Variants in LMTK3 observed in about 807,000 individuals in gnomAD.
LMTK3 encodes the protein serine/threonine-protein kinase LMTK3.
In LMTK3, 27 loss-of-function variants were observed where a neutral mutation model predicts 116.7. The observed-to-expected ratio is 0.23, with a 90% CI of 0.17 to 0.32. The LOEUF is 0.32. LMTK3 is among the 10% of genes least tolerant of loss of function. The probability of loss-of-function intolerance (pLI) is 1.00; values close to 1 mark genes in which losing one functional copy is unlikely to be tolerated. For missense variants in LMTK3, 1,764 were observed against 2,068.5 expected, an observed-to-expected ratio of 0.85 and a Z score of 2.86; for synonymous variants, 965 against 971.0, an observed-to-expected ratio of 0.99 and a Z score of 0.11.
intron 14 of LMTK3, among the ~76,000 whole-genome samples, 167 bp from the exon 15 acceptor site, chr19:48,485,956 A>G (rs1337280371): frequency 1.4e-5 from 2 of 147,934 alleles, no homozygotes; most frequent in African/African-American, 2.5e-5. Context: ...TGCTCCAGCC[A>G]CTGGGCCTCC....
intron 5 of LMTK3, 41 bp downstream of exon 5, chr19:48,508,810 C>T (rs765464424): frequency 4.1e-6 from 6 of 1,453,864 alleles, no homozygotes; most frequent in Admixed American, 3.3e-5. Context: ...TCCTGAATGT[C>T]ACCTCAACAA....
In LMTK3 at chr19:48,502,502, G is replaced by T; in HGVS notation, c.725C>A (p.Thr242Lys). ...SPELPPRDLR[T>K]LQRMGLEIAR... ...GATCTCCAGGCCCATCCTCTGCAGC[G>T]TCCGCAGGTCTCGAGGGGGTAGCTC... Residue 242 changes from threonine to lysine, a missense_variant, in exon 7 of 15, where the codon ACG becomes AAG. Thr to Lys is a moderately conservative substitution (Grantham distance 78). This residue lies in a region of LMTK3 where 271 missense variants were observed against 478.2 expected (regional missense o/e 0.57). Transcript: ENST00000600059. The T allele has an allele frequency of 6.2e-7, 1 of 1,609,614 alleles. No individual in the cohort carries two copies. Among genetic ancestry groups the T allele is most frequent in the Non-Finnish European group, 8.5e-7 (1 of 1,178,390 alleles).
rs1972289878 is a variant in LMTK3, at chr19:48,494,473, G to GC, written c.3677-365dup. Among the ~76,000 whole-genome samples, 2 of 152,274 alleles carry GC rather than the reference G, an allele frequency of 1.3e-5. No homozygotes were observed. The highest frequency in any genetic ancestry group is 4.1e-4 in the South Asian group (2 of 4,820). On this transcript the variant is annotated intron_variant, in intron 11 of 14. Coordinates refer to ENST00000600059, the MANE Select transcript of LMTK3 (RefSeq NM_001388485.1). This position sits in a 1 kb window ranked among gnomAD's most constrained non-coding sequence, Gnocchi z 4.0. ...CCACCGAATAGCTGGGACTACAGGC[G>GC]CACGTGCCACCATGCCCGGCTAATT...
chr19:48,509,420 C>T lies in LMTK3; in HGVS notation c.438+17G>A. On this transcript the variant is annotated intron_variant, in intron 4 of 14. Transcript: ENST00000600059. ...CGGGATCCATGGAGCCCTGCCTCCC[C>T]TCCCCAGCCCACTCACCTTCCCAAA... The T allele has an allele frequency of 6.4e-7, 1 of 1,551,260 alleles. No homozygotes were observed. Among genetic ancestry groups the T allele is most frequent in the Non-Finnish European group, 8.7e-7 (1 of 1,146,708 alleles).
In LMTK3 at chr19:48,498,762, G is replaced by T; in HGVS notation, c.2307C>A (p.Ser769=). 1 of 1,486,906 alleles carries T rather than the reference G, an allele frequency of 6.7e-7. No individual in the cohort carries two copies. Among genetic ancestry groups the T allele is most frequent in the Non-Finnish European group, 8.9e-7 (1 of 1,123,624 alleles). The allele number at this position is 1,486,906 out of a possible 1,614,324, so 92.1% of individuals were successfully genotyped here. ...PPRAPADPAA[S]PDPPSAVASP... ...TGGCCACGGCCGAAGGGGGGTCGGG[G>T]GACGCGGCCGGGTCCGCGGGGGCCC... is the stretch of plus-strand genomic sequence containing the variant. Residue 769 remains serine (S), a synonymous_variant, in exon 11 of 15, where the codon TCC becomes TCA. Coordinates refer to ENST00000600059, the MANE Select transcript of LMTK3 (RefSeq NM_001388485.1).
intron 5 of LMTK3, among the ~76,000 whole-genome samples, chr19:48,507,845 G>A (rs12461063): frequency 0.013 from 2,037 of 152,264 alleles, 33 homozygotes; most frequent in Middle Eastern, 0.13. Flanking sequence ...CAGGCAATAA[G>A]CAAGTAAGCA....
intron 5 of LMTK3, among the ~76,000 whole-genome samples, chr19:48,506,915 C>T (rs1458127569): frequency 6.6e-6 from 1 of 152,186 alleles, no homozygotes; most frequent in African/African-American, 2.4e-5. Context: ...CTGCCCACCT[C>T]AGTCTCCCAA....
intron 5 of LMTK3, among the ~76,000 whole-genome samples, chr19:48,506,413 G>A (rs1972571902): frequency 6.6e-6 from 1 of 152,198 alleles, no homozygotes; most frequent in Non-Finnish European, 1.5e-5. Flanking sequence ...GAGAAGGACT[G>A]GCTTGGAGGT....
At chr19:48,512,341 T>C (rs1179068859), upstream of LMTK3, among the ~76,000 whole-genome samples, 1 of 151,632 alleles carries the variant, frequency 6.6e-6, no homozygotes, top group African/African-American at 2.4e-5. Flanking sequence ...CGCAGGAACG[T>C]CAAAGCATCA....
At chr19:48,508,286 C>T (rs1972602426) in intron 5 of LMTK3, among the ~76,000 whole-genome samples, 1 of 152,094 alleles carries the variant, frequency 6.6e-6, no homozygotes, top group East Asian at 1.9e-4. Context: ...ACCTTTACAA[C>T]TGTTCTGATA....
chr19:48,492,471 G>A (rs1327327131), intron 12 of LMTK3, among the ~76,000 whole-genome samples: 2 of 152,156 alleles, frequency 1.3e-5, no homozygotes, highest in African/African-American at 2.4e-5. Context: ...ACAGGCGTGA[G>A]CCACCCGGGA....
rs1415386022 is a variant in LMTK3 at position 48,494,244 on chromosome 19, A to C, written c.3677-135T>G. On this transcript the variant is annotated intron_variant, in intron 11 of 14. Coordinates refer to ENST00000600059, the MANE Select transcript of LMTK3 (RefSeq NM_001388485.1). This position sits in a 1 kb window ranked among gnomAD's most constrained non-coding sequence, Gnocchi z 4.0. The stretch of plus-strand genomic sequence containing the variant: ...CCCACTTTGTGAACGGAAGGGCTGC[A>C]CCAGGGCTTCTCCAGGCAGGGTGGG... 5 of 415,470 alleles carry C rather than the reference A, an allele frequency of 1.2e-5. No individual in the cohort carries two copies. The highest frequency in any genetic ancestry group is 1.7e-5 in the Non-Finnish European group (5 of 286,652). 25.7% of individuals were successfully genotyped at this position (415,470 alleles called of 1,614,324 possible). A position where few individuals can be genotyped will look rare whatever the true frequency, so the allele number is the denominator to read the frequency against.
At chr19:48,503,089 CT>C (rs1194323637) in intron 5 of LMTK3, 93 bp from the exon 6 acceptor site, 42 of 760,938 alleles carry the variant, frequency 5.5e-5, no homozygotes, top group Non-Finnish European at 9.2e-5. Flanking sequence ...TGCCTCCACC[CT>C]TTTTTGTTGT....
Position 48,498,500 on chromosome 19 carries a change from C to G in LMTK3, c.2569G>C (p.Val857Leu). 1 of 1,594,280 alleles carries G rather than the reference C, an allele frequency of 6.3e-7. No individual in the cohort carries two copies. The highest frequency in any genetic ancestry group is 2.3e-5 in the East Asian group (1 of 43,790). The part of the protein sequence containing the change: ...PREKPTFVVQ[V>L]STEQLLMSLR... Reference sequence around the variant, plus strand: ...GACATCAGCAGCTGTTCCGTGCTCACTTGAACCACGAAGGTCGGCTTCTCC... The same window carrying G: ...GACATCAGCAGCTGTTCCGTGCTCAGTTGAACCACGAAGGTCGGCTTCTCC... The change falls in exon 11 of 15, where the codon GTG becomes CTG. Residue 857 changes from valine to leucine, a missense_variant. Coordinates refer to ENST00000600059, the MANE Select transcript of LMTK3 (RefSeq NM_001388485.1).
chr19:48,494,141 C>A lies in LMTK3; in HGVS notation c.3677-32G>T. 2.6e-6 allele frequency: 3 copies of A among 1,160,878 alleles called. No individual in the cohort carries two copies. The highest frequency in any genetic ancestry group is 4.3e-5 in the South Asian group (1 of 23,372). The allele number at this position is 1,160,878 out of a possible 1,614,324, so 71.9% of individuals were successfully genotyped here. ...GGGGAGAGACCTGGTGAGCCCCTGTCCCGGTGAAACTGAGGCAGGCCCTCC... is the reference window on the plus strand; with the variant it reads ...GGGGAGAGACCTGGTGAGCCCCTGTACCGGTGAAACTGAGGCAGGCCCTCC... On this transcript the variant is annotated intron_variant, in intron 11 of 14. Transcript: ENST00000600059. The surrounding 1 kb of genome is among the most constrained non-coding windows in gnomAD (Gnocchi z 4.0).
At position 48,508,873 on chromosome 19, in the gene LMTK3, T is replaced by C. The variant is rs1355310424; in HGVS notation, c.535A>G (p.Ile179Val). 1.2e-6 allele frequency: 2 copies of C among 1,613,500 alleles called. No homozygotes were observed. Among genetic ancestry groups the C allele is most frequent in the Non-Finnish European group, 1.7e-6 (2 of 1,179,690 alleles). ...SAGPLEQRKFISEAQPYRSLQ... is the reference protein window; with the variant it reads ...SAGPLEQRKFVSEAQPYRSLQ... ...TACCTGTACGGCTGTGCTTCCGAGA[T>C]GAACTTGCGTTGCTCCAGGGGCCCC... Residue 179 changes from isoleucine to valine, a missense_variant, in exon 5 of 15, where the codon ATC (isoleucine) becomes GTC (valine). Physicochemically the swap from Ile to Val is conservative, Grantham distance 29. Coordinates refer to ENST00000600059, the MANE Select transcript of LMTK3 (RefSeq NM_001388485.1).
Position 48,509,520 on chromosome 19 carries a change from AG to A in LMTK3, c.362-8del. ...CCCAGGGGGGTGGTCATGTCTGGGG[AG>A]GGCAAGAGGGGAAAGCCCCTGAGTC... On this transcript the variant is annotated splice_polypyrimidine_tract_variant and splice_region_variant and intron_variant, in intron 3 of 14. Transcript: ENST00000600059. The A allele has an allele frequency of 6.5e-7, 1 of 1,546,138 alleles. No individual in the cohort carries two copies. The highest frequency in any genetic ancestry group is 8.7e-7 in the Non-Finnish European group (1 of 1,143,730).
In LMTK3 at chr19:48,493,641, T is replaced by C; in HGVS notation, c.4092+53A>G. On this transcript the variant is annotated intron_variant, in intron 12 of 14. Coordinates refer to ENST00000600059, the MANE Select transcript of LMTK3 (RefSeq NM_001388485.1). Reference sequence around the variant, plus strand: ...CGCCAGGCCCTTCCCGGCTCTAGGCTCCTGCTCCCTCCAGGCCGCGACCCC... The same window carrying C: ...CGCCAGGCCCTTCCCGGCTCTAGGCCCCTGCTCCCTCCAGGCCGCGACCCC... The C allele has an allele frequency of 4.7e-6, 7 of 1,494,364 alleles. No homozygotes were observed. The South Asian group carries it at 6.1e-5, about 13-fold the overall frequency. The allele number at this position is 1,494,364 out of a possible 1,614,324, so 92.6% of individuals were successfully genotyped here. A position where few individuals can be genotyped will look rare whatever the true frequency, so the allele number is the denominator to read the frequency against.
chr19:48,503,806 TCTC>T, intron 5 of LMTK3, among the ~76,000 whole-genome samples: 1 of 151,844 alleles, frequency 6.6e-6, no homozygotes, highest in African/African-American at 2.4e-5. Context: ...TCTCTCTCTC[TCTC>T]TTTTTTTTCC....
Sources: allele counts gnomAD v4.1 joint callset (sites outside exome capture counted in the v4.1 genomes callset), GRCh38; gene constraint gnomAD v4.1.1; regional missense constraint gnomAD v4.1.1; non-coding constraint Gnocchi (gnomAD v3.1); transcripts MANE v1.5; gene names NCBI Gene and HGNC (gene_info 2026-07-23, HGNC 2026-07-21).